Variants in VSTM2B observed in about 807,000 individuals in gnomAD.
The protein encoded by VSTM2B is V-set and transmembrane domain-containing protein 2B.
A neutral mutation model predicts 24.0 loss-of-function variants in VSTM2B; 24 were observed. The observed-to-expected ratio is 1.00, with a 90% CI of 0.72 to 1.40. VSTM2B has a LOEUF of 1.40. VSTM2B is among the 40% of genes most tolerant of loss of function. VSTM2B has a pLI of 0.00. For synonymous variants in VSTM2B, 226 were observed against 194.4 expected, an observed-to-expected ratio of 1.16 and a Z score of -1.35; for missense variants, 399 against 416.4, an observed-to-expected ratio of 0.96 and a Z score of 0.36.
At chr19:29,559,975 CTA>C (rs1970491121) in intron 4 of VSTM2B, among the ~76,000 whole-genome samples, 1 of 152,094 alleles carries the variant, frequency 6.6e-6, no homozygotes, top group African/African-American at 2.4e-5. Context: ...ATTCATGTGT[CTA>C]TGATCGGCTG....
intron 4 of VSTM2B, among the ~76,000 whole-genome samples, chr19:29,557,991 A>G (rs2116880): frequency 0.083 from 12,582 of 152,230 alleles, 620 homozygotes; most frequent in East Asian, 0.18. Flanking sequence ...AGGAACTTAA[A>G]CAAATTTACA....
intron 3 of VSTM2B, chr19:29,529,026 G>T: frequency 2.0e-6 from 2 of 985,486 alleles, no homozygotes; most frequent in Non-Finnish European, 2.4e-6. Flanking sequence ...GAGGAGATGC[G>T]CCCAAGCTTC....
intron 4 of VSTM2B, among the ~76,000 whole-genome samples, chr19:29,542,249 T>TGATGAGTG (rs1970038500): frequency 6.8e-6 from 1 of 146,922 alleles, no homozygotes; most frequent in African/African-American, 2.5e-5. Flanking sequence ...GATACAAGGA[T>TGATGAGTG]GATGAGTGGA....
intron 4 of VSTM2B, among the ~76,000 whole-genome samples, chr19:29,544,236 T>C (rs1276148648): frequency 6.6e-6 from 1 of 151,708 alleles, no homozygotes; most frequent in Non-Finnish European, 1.5e-5. Context: ...CTTATAAAAC[T>C]GAATGTGCGG....
chr19:29,537,801 G>C (rs1383228809), intron 4 of VSTM2B, among the ~76,000 whole-genome samples: 1 of 148,770 alleles, frequency 6.7e-6, no homozygotes, highest in Non-Finnish European at 1.5e-5. Context: ...TAACCAGCTT[G>C]CCAGAAGGGC....
chr19:29,562,826 A>G (rs1970564950), intron 4 of VSTM2B, among the ~76,000 whole-genome samples: 1 of 152,152 alleles, frequency 6.6e-6, no homozygotes, highest in Non-Finnish European at 1.5e-5. Context: ...CGGGGGACCA[A>G]GGCGAAGCAG....
chr19:29,554,632 TAA>T (rs759871919), intron 4 of VSTM2B, among the ~76,000 whole-genome samples: 2 of 152,174 alleles, frequency 1.3e-5, no homozygotes, highest in Admixed American at 6.5e-5. Flanking sequence ...GGCAGGCTGA[TAA>T]AGAGTCAGGA....
chr19:29,550,482 A>C (rs1408471615), intron 4 of VSTM2B, among the ~76,000 whole-genome samples: 1 of 152,084 alleles, frequency 6.6e-6, no homozygotes, highest in African/African-American at 2.4e-5. Context: ...TGCAGAACAG[A>C]CATGAGTGGC....
chr19:29,530,806 C>A (rs1201826937), intron 4 of VSTM2B, among the ~76,000 whole-genome samples: 1 of 152,118 alleles, frequency 6.6e-6, no homozygotes, highest in Non-Finnish European at 1.5e-5. Flanking sequence ...GGCTGTGTAA[C>A]CTACGCCCTC....
intron 3 of VSTM2B, among the ~76,000 whole-genome samples, chr19:29,529,334 C>A (rs1285746424): frequency 6.6e-6 from 1 of 152,102 alleles, no homozygotes; most frequent in African/African-American, 2.4e-5. Context: ...CCTTAGGAAG[C>A]GATTCGGGCA....
At chr19:29,562,919 A>T (rs1195841412) in intron 4 of VSTM2B, among the ~76,000 whole-genome samples, 1 of 152,172 alleles carries the variant, frequency 6.6e-6, no homozygotes, top group Non-Finnish European at 1.5e-5. Flanking sequence ...GGAGTGACCC[A>T]GAAGTTGCTG....
At position 29,526,744 on chromosome 19, in the gene VSTM2B, G is replaced by A. The variant is rs1247933231; in HGVS notation, c.82+79G>A. 3.8e-6 allele frequency: 5 copies of A among 1,323,136 alleles called. No individual in the cohort carries two copies. The Admixed American group carries it at 8.6e-5, about 23-fold the overall frequency. The allele number at this position is 1,323,136 out of a possible 1,614,324, so 82.0% of individuals were successfully genotyped here. On this transcript the variant is annotated intron_variant, in intron 1 of 4. Coordinates refer to ENST00000335523, the MANE Select transcript of VSTM2B (RefSeq NM_001146339.2). This position sits in a 1 kb window ranked among gnomAD's most constrained non-coding sequence, Gnocchi z 4.1. ...CCGCCACCGAGAAGAAGAAGAAAGAGAACGAACCGGGAAGCTTCGCGGTCT... is the reference window on the plus strand; with the variant it reads ...CCGCCACCGAGAAGAAGAAGAAAGAAAACGAACCGGGAAGCTTCGCGGTCT...
At chr19:29,557,967 A>G (rs1970448451) in intron 4 of VSTM2B, among the ~76,000 whole-genome samples, 2 of 152,216 alleles carry the variant, frequency 1.3e-5, no homozygotes, top group African/African-American at 4.8e-5. Flanking sequence ...AAGGTCTGAT[A>G]TCCAGAAACT....
chr19:29,562,135 G>A (rs1165988724), intron 4 of VSTM2B, among the ~76,000 whole-genome samples: 3 of 152,204 alleles, frequency 2.0e-5, no homozygotes, highest in Non-Finnish European at 2.9e-5. Context: ...AACACAGCCT[G>A]TGTTTCCCAC....
chr19:29,528,849 C>A, intron 3 of VSTM2B: 2 of 939,214 alleles, frequency 2.1e-6, no homozygotes, highest in Non-Finnish European at 2.5e-6. Context: ...GCTTCCCGCC[C>A]CCTCTGCCCC....
At chr19:29,536,481 C>T (rs1969893705) in intron 4 of VSTM2B, among the ~76,000 whole-genome samples, 2 of 152,234 alleles carry the variant, frequency 1.3e-5, no homozygotes, top group Non-Finnish European at 2.9e-5. Context: ...ACCATCCTCT[C>T]AGCATCAGCA....
intron 2 of VSTM2B, 85 bp from the exon 3 acceptor site, chr19:29,528,348 G>T (rs1484650551): frequency 6.5e-7 from 1 of 1,531,660 alleles, no homozygotes; most frequent in Non-Finnish European, 8.9e-7. Context: ...GCCGGAGGAG[G>T]GTGCCCTTGC....
intron 4 of VSTM2B, among the ~76,000 whole-genome samples, chr19:29,544,254 C>T (rs1280350800): frequency 1.3e-5 from 2 of 151,698 alleles, no homozygotes; most frequent in Non-Finnish European, 2.9e-5. Context: ...CGGCCGGGCG[C>T]GGTGGCTCAC....
Position 29,526,940 on chromosome 19 carries a change from G to T in VSTM2B, c.83-271G>T. ...GTAGGCGCGCCCCAGCCAGGCTCTG[G>T]CGGTGCGGCCAGGGGCGGGGGAGAA... On this transcript the variant is annotated intron_variant, in intron 1 of 4. Coordinates refer to ENST00000335523, the MANE Select transcript of VSTM2B (RefSeq NM_001146339.2). This position sits in a 1 kb window ranked among gnomAD's most constrained non-coding sequence, Gnocchi z 4.1. The T allele has an allele frequency of 2.1e-6, 1 of 469,358 alleles. No individual in the cohort carries two copies. Among genetic ancestry groups the T allele is most frequent in the South Asian group, 3.9e-5 (1 of 25,856 alleles). 29.1% of individuals were successfully genotyped at this position (469,358 alleles called of 1,614,324 possible). A position where few individuals can be genotyped will look rare whatever the true frequency, so the allele number is the denominator to read the frequency against.
Sources: gnomAD v4.1 joint callset for allele counts (sites outside exome capture counted in the v4.1 genomes callset) on GRCh38, gnomAD v4.1.1 for gene constraint, Gnocchi (gnomAD v3.1) non-coding constraint, MANE v1.5 for transcripts, NCBI Gene and HGNC (gene_info 2026-07-23, HGNC 2026-07-21) for gene names.